LHPP: variants seen among roughly 807,000 people sequenced by gnomAD.
LHPP encodes hLHPP.
LHPP carries 24 observed loss-of-function variants against 30.3 expected under a neutral mutation model. That is an observed-to-expected ratio of 0.79 (90% CI 0.57 to 1.11). LHPP has a LOEUF of 1.11. Among genes scored for constraint, LHPP ranks in the 50% most tolerant of loss-of-function variants. The pLI is 0.00. For synonymous variants in LHPP, 150 were observed against 157.1 expected, an observed-to-expected ratio of 0.95 and a Z score of 0.34; for missense variants, 356 against 367.2, an observed-to-expected ratio of 0.97 and a Z score of 0.25.
intron 6 of LHPP, among the ~76,000 whole-genome samples, chr10:124,571,383 G>A (rs568287299): frequency 1.2e-4 from 19 of 152,288 alleles, no homozygotes; most frequent in African/African-American, 4.1e-4. Context: ...AGTAACGAGC[G>A]GCCATTTTTA....
intron 6 of LHPP, among the ~76,000 whole-genome samples, chr10:124,607,603 G>A (rs532429164): frequency 5.8e-4 from 89 of 152,274 alleles, no homozygotes; most frequent in African/African-American, 2.0e-3. Flanking sequence ...GTTCCCTCTC[G>A]GGGCTGGTTG....
rs183343297 is a variant in LHPP, at chr10:124,576,988, G to A, written c.717-36276G>A. On this transcript the variant is annotated intron_variant, in intron 6 of 6. Coordinates refer to ENST00000368842, the MANE Select transcript of LHPP (RefSeq NM_022126.4). This position sits in a 1 kb window ranked among gnomAD's most constrained non-coding sequence, Gnocchi z 4.2. The stretch of plus-strand genomic sequence containing the variant: ...CAGCCACGACCCAGAAATAAAGTAG[G>A]CACTGTAATTTGCATTTTGAGGATA... Among the ~76,000 whole-genome samples, 237 of 152,316 alleles carry A rather than the reference G, an allele frequency of 1.6e-3. No homozygotes were observed. Among genetic ancestry groups the A allele is most frequent in the Middle Eastern group, 3.4e-3 (1 of 294 alleles).
intron 1 of LHPP, among the ~76,000 whole-genome samples, chr10:124,481,154 A>C (rs1354900594): frequency 6.6e-6 from 1 of 152,134 alleles, no homozygotes; most frequent in African/African-American, 2.4e-5. Context: ...TAGGCCAGTG[A>C]GAAAGACAAT....
At chr10:124,462,481 G>A (rs1486517741) in intron 1 of LHPP, among the ~76,000 whole-genome samples, 1 of 152,116 alleles carries the variant, frequency 6.6e-6, no homozygotes, top group Non-Finnish European at 1.5e-5. Context: ...TGTAGGCCCA[G>A]CCACTTGGGA....
At chr10:124,477,705 G>A (rs1327543232) in intron 1 of LHPP, among the ~76,000 whole-genome samples, 1 of 152,210 alleles carries the variant, frequency 6.6e-6, no homozygotes, top group Non-Finnish European at 1.5e-5. Context: ...CAAAGTTGCT[G>A]CAGGAAAGGG....
intron 6 of LHPP, among the ~76,000 whole-genome samples, chr10:124,600,875 T>C (rs969908945): frequency 6.6e-6 from 1 of 152,236 alleles, no homozygotes; most frequent in African/African-American, 2.4e-5. Flanking sequence ...GCCAAGGCCA[T>C]GAGGCCACTA....
At chr10:124,519,253 G>A (rs1589823162) in intron 6 of LHPP, among the ~76,000 whole-genome samples, 1 of 152,218 alleles carries the variant, frequency 6.6e-6, no homozygotes, top group South Asian at 2.1e-4. Flanking sequence ...CGGCCCCAGA[G>A]AGAGAAACTC....
At chr10:124,538,165 T>G (rs893628192) in intron 6 of LHPP, among the ~76,000 whole-genome samples, 2 of 30,902 alleles carry the variant, frequency 6.5e-5, no homozygotes, top group African/African-American at 2.0e-4. Context: ...ACCACGCGAG[T>G]CTCACCATGC....
chr10:124,585,655 A>T (rs1203311045), intron 6 of LHPP, among the ~76,000 whole-genome samples: 1 of 151,694 alleles, frequency 6.6e-6, no homozygotes, highest in Non-Finnish European at 1.5e-5. Flanking sequence ...AAAGATAAGG[A>T]GCCTTGCTGT....
chr10:124,580,622 A>G (rs1564840378), intron 6 of LHPP, among the ~76,000 whole-genome samples: 2 of 152,206 alleles, frequency 1.3e-5, no homozygotes, highest in Non-Finnish European at 2.9e-5. Context: ...CATAATTCAC[A>G]TGATACAATT....
chr10:124,521,717 T>A (rs959665198), intron 6 of LHPP, among the ~76,000 whole-genome samples: 2 of 151,114 alleles, frequency 1.3e-5, no homozygotes, highest in East Asian at 3.9e-4. Flanking sequence ...AGCTGGCGGG[T>A]GGGGGCAGCG....
chr10:124,534,394 A>G (rs1396766523), intron 6 of LHPP, among the ~76,000 whole-genome samples: 1 of 152,242 alleles, frequency 6.6e-6, no homozygotes, highest in African/African-American at 2.4e-5. Flanking sequence ...AACGGCAGGA[A>G]GAGGGCAGCA....
chr10:124,523,287 G>A lies in LHPP; in HGVS notation c.716+6016G>A, dbSNP rs1479526952. On this transcript the variant is annotated intron_variant, in intron 6 of 6. Transcript: ENST00000368842. This position sits in a 1 kb window ranked among gnomAD's most constrained non-coding sequence, Gnocchi z 4.2. ...AAGGTCCCTTCTAGCTGTGGCCTGG[G>A]TGCTGAAGGGGTTTCCCCCCAGTGG... Among the ~76,000 whole-genome samples, 1 of 152,232 alleles carries A rather than the reference G, an allele frequency of 6.6e-6. No homozygotes were observed. Among genetic ancestry groups the A allele is most frequent in the Non-Finnish European group, 1.5e-5 (1 of 68,038 alleles).
At chr10:124,511,182 C>T (rs1191658526) in intron 5 of LHPP, among the ~76,000 whole-genome samples, 6 of 152,176 alleles carry the variant, frequency 3.9e-5, no homozygotes, top group Admixed American at 1.3e-4. Flanking sequence ...ATTTACTTCA[C>T]GTTTCTTAAA....
intron 6 of LHPP, among the ~76,000 whole-genome samples, chr10:124,609,553 C>T (rs992877696): frequency 2.0e-5 from 3 of 152,158 alleles, no homozygotes; most frequent in Non-Finnish European, 4.4e-5. Flanking sequence ...CCATATGTGG[C>T]TTTTTAATTA....
chr10:124,498,477 A>G (rs1953796912), intron 5 of LHPP: 1 of 1,463,648 alleles, frequency 6.8e-7, no homozygotes, highest in East Asian at 2.5e-5. Context: ...TTACAACAAT[A>G]TGGAGGAAAT....
chr10:124,498,640 G>A (rs1003904979), intron 5 of LHPP: 2 of 628,300 alleles, frequency 3.2e-6, no homozygotes, highest in Non-Finnish European at 5.6e-6. Context: ...TCGTCCTCCA[G>A]TGGGTTTTCT....
At chr10:124,607,403 C>T (rs1016141286) in intron 6 of LHPP, among the ~76,000 whole-genome samples, 1 of 152,256 alleles carries the variant, frequency 6.6e-6, no homozygotes, top group African/African-American at 2.4e-5. Flanking sequence ...TAAAAGTCCA[C>T]GATTTCCGCT....
intron 6 of LHPP, among the ~76,000 whole-genome samples, chr10:124,525,568 G>C (rs997665555): frequency 6.6e-6 from 1 of 152,234 alleles, no homozygotes; most frequent in Non-Finnish European, 1.5e-5. Flanking sequence ...CTGAGAGAGT[G>C]GGGAGGAGAC....
Sources: gnomAD v4.1 joint callset for allele counts (sites outside exome capture counted in the v4.1 genomes callset) on GRCh38, gnomAD v4.1.1 for gene constraint, Gnocchi (gnomAD v3.1) non-coding constraint, MANE v1.5 for transcripts, NCBI Gene and HGNC (gene_info 2026-07-23, HGNC 2026-07-21) for gene names.